The following CIITA variants were observed in gnomAD, a reference collection of about 807,000 sequenced individuals.
CIITA encodes MHC class II transactivator.
CIITA carries 72 observed loss-of-function variants against 115.1 expected under a neutral mutation model. The observed-to-expected ratio is 0.63, with a 90% CI of 0.52 to 0.76. CIITA has a LOEUF of 0.76. Among genes scored for constraint, CIITA ranks in the 30% least tolerant of loss-of-function variants. The probability of loss-of-function intolerance (pLI) is 0.00; values close to 1 mark genes in which losing one functional copy is unlikely to be tolerated. For missense variants in CIITA, 1,617 were observed against 1,463.8 expected (o/e 1.10, Z -1.71); for synonymous variants, 763 against 635.6 (o/e 1.20, Z -3.02).
At position 10,907,283 on chromosome 16, in the gene CIITA, C is replaced by G. The variant is rs201657235; in HGVS notation, c.1791C>G (p.Leu597=). ...MTEHQDRALT[L]LRDRPLLLSH... Reference sequence around the variant, plus strand: ...AGCACCAAGACAGAGCCCTGACGCTCCTCCGGGACCGGCCACTTCTTCTCA... The same window carrying G: ...AGCACCAAGACAGAGCCCTGACGCTGCTCCGGGACCGGCCACTTCTTCTCA... The change falls in exon 11 of 20, where the codon CTC becomes CTG. Residue 597 remains leucine, a synonymous_variant. Coordinates refer to ENST00000324288, the MANE Select transcript of CIITA (RefSeq NM_000246.4). This position sits in a 1 kb window ranked among gnomAD's most constrained non-coding sequence, Gnocchi z 5.0. The G allele has an allele frequency of 1.1e-4, 185 of 1,613,444 alleles. No individual in the cohort carries two copies. Among genetic ancestry groups the G allele is most frequent in the Non-Finnish European group, 1.6e-5 (19 of 1,180,020 alleles).
At chr16:10,916,561 T>A (rs1415186248) in intron 15 of CIITA, 102 bp downstream of exon 15, 1 of 978,350 alleles carries the variant, frequency 1.0e-6, no homozygotes, top group African/African-American at 1.6e-5. Context: ...AAGGGCTCGC[T>A]GTGTCACCCA....
chr16:10,882,999 C>A (rs1307588252), intron 1 of CIITA, among the ~76,000 whole-genome samples: 6 of 152,202 alleles, frequency 3.9e-5, no homozygotes, highest in Admixed American at 3.9e-4. Flanking sequence ...TAACACCCTT[C>A]CCAGGTAATT....
At chr16:10,888,683 G>A (rs1378618505) in intron 1 of CIITA, 1 of 152,242 alleles carries the variant, frequency 6.6e-6, no homozygotes, top group African/African-American at 2.4e-5. Flanking sequence ...GGTGGCCCAG[G>A]GGGAAGCACA....
Position 10,901,853 on chromosome 16 carries a change from C to G in CIITA, c.482-185C>G. The G allele has an allele frequency of 1.1e-6, 1 of 879,066 alleles. No individual in the cohort carries two copies. Among genetic ancestry groups the G allele is most frequent in the South Asian group, 1.5e-5 (1 of 66,348 alleles). 54.5% of individuals were successfully genotyped at this position (879,066 alleles called of 1,614,324 possible). On this transcript the variant is annotated intron_variant, in intron 6 of 19. Transcript: ENST00000324288. The surrounding 1 kb of genome is among the most constrained non-coding windows in gnomAD (Gnocchi z 6.8). ...CAGCATAGCTCTCAGAGCCAAGTCA[C>G]AAGGAGAGGACTGGGGGACTGCCTG...
chr16:10,873,257 T>G (rs2035608102), upstream of CIITA, among the ~76,000 whole-genome samples: 1 of 152,184 alleles, frequency 6.6e-6, no homozygotes. Flanking sequence ...CCACTGCACC[T>G]CGCCTGATAA....
In CIITA at chr16:10,920,741, G is replaced by A. The variant is rs1350462685; in HGVS notation, c.3150-1426G>A. Among the ~76,000 whole-genome samples the A allele has an allele frequency of 1.3e-5, 2 of 152,206 alleles. No homozygotes were observed. The highest frequency in any genetic ancestry group is 4.8e-5 in the African/African-American group (2 of 41,446). ...ATGGTCAGATTACTCTCCCTGTGGG[G>A]TGGAGGAAGGGTCTCCAGGGTTCAG... On this transcript the variant is annotated intron_variant, in intron 16 of 19. Coordinates refer to ENST00000324288, the MANE Select transcript of CIITA (RefSeq NM_000246.4). The surrounding 1 kb of genome is among the most constrained non-coding windows in gnomAD (Gnocchi z 4.5).
intron 15 of CIITA, 151 bp from the exon 16 acceptor site, chr16:10,918,289 A>G: frequency 3.9e-6 from 3 of 776,660 alleles, no homozygotes; most frequent in Middle Eastern, 2.4e-4. Flanking sequence ...CCACTTGGCC[A>G]CAGGACCTAA....
chr16:10,880,281 C>A (rs1032800754), intron 1 of CIITA, among the ~76,000 whole-genome samples: 5 of 152,088 alleles, frequency 3.3e-5, no homozygotes, highest in South Asian at 2.1e-4. Flanking sequence ...CCGGGCTCAC[C>A]CCCAGGCCCG....
At chr16:10,940,311 C>T (rs2041085279), downstream of CIITA, 1 of 152,186 alleles carries the variant, frequency 6.6e-6, no homozygotes, top group African/African-American at 2.4e-5. The surrounding 1 kb of genome is among the most constrained non-coding windows in gnomAD (Gnocchi z 4.2). Flanking sequence ...CTTATAAGAA[C>T]AGTAAGAGAT....
At position 10,879,203 on chromosome 16, in the gene CIITA, CCGCAACGACTCTG is replaced by C. The variant is rs2036153432; in HGVS notation, c.52+1825_52+1837del. On this transcript the variant is annotated intron_variant, in intron 1 of 19. Coordinates refer to ENST00000324288, the MANE Select transcript of CIITA (RefSeq NM_000246.4). The surrounding 1 kb of genome is among the most constrained non-coding windows in gnomAD (Gnocchi z 4.3). ...GGGAAACACCTCGTTTCCAGCATCC[CCGCAACGACTCTG>C]CGCGGGAACCAGGAGCCGGGAACCC... Among the ~76,000 whole-genome samples, 1 of 152,180 alleles carries C rather than the reference CCGCAACGACTCTG, an allele frequency of 6.6e-6. No individual in the cohort carries two copies. Among genetic ancestry groups the C allele is most frequent in the Admixed American group, 6.5e-5 (1 of 15,290 alleles).
rs371524986 is a variant in CIITA, at chr16:10,899,697, G to A, written c.436+695G>A. ...ACAGTTAACTGAGTACTTATTATGG[G>A]TCTGACCATGTGTAAGTCCTGTATC... On this transcript the variant is annotated intron_variant, in intron 5 of 19. Coordinates refer to ENST00000324288, the MANE Select transcript of CIITA (RefSeq NM_000246.4). 3.3e-5 allele frequency among the ~76,000 whole-genome samples: 5 copies of A among 152,140 alleles called. No individual in the cohort carries two copies. In the East Asian group the frequency reaches 5.8e-4, roughly 18 times the overall value.
At chr16:10,911,033 A>G (rs1398272056) in intron 13 of CIITA, among the ~76,000 whole-genome samples, 2 of 13,434 alleles carry the variant, frequency 1.5e-4, no homozygotes, top group African/African-American at 3.7e-4. Context: ...GCTGGGGGCC[A>G]CACCCTAGGC....
At chr16:10,867,015 G>T (rs570351319) in intron 1 of CIITA, among the ~76,000 whole-genome samples, 14 of 152,338 alleles carry the variant, frequency 9.2e-5, no homozygotes, top group Admixed American at 8.5e-4. Flanking sequence ...GGAGGCCAAG[G>T]CAGGTGGATC....
chr16:10,918,365 C>T, intron 15 of CIITA, 75 bp from the exon 16 acceptor site: 1 of 1,296,062 alleles, frequency 7.7e-7, no homozygotes, highest in Non-Finnish European at 1.1e-6. Context: ...AGCCTATGAC[C>T]CAGAACTCTC....
chr16:10,873,216 T>G (rs2035604571), upstream of CIITA, among the ~76,000 whole-genome samples: 1 of 152,170 alleles, frequency 6.6e-6, no homozygotes, highest in South Asian at 2.1e-4. Context: ...TCAAGCGACA[T>G]ACCTGCCTTA....
At chr16:10,910,097 T>C in intron 12 of CIITA, 91 bp from the exon 13 acceptor site, 1 of 1,052,818 alleles carries the variant, frequency 9.5e-7, no homozygotes, top group Non-Finnish European at 1.5e-6. Flanking sequence ...CCTGGGGAAT[T>C]TGGGGCACTG....
Position 10,942,984 on chromosome 16 carries a change from T to A in CIITA, n.2110T>A, listed in dbSNP as rs563359492. On this transcript the variant is annotated non_coding_transcript_exon_variant, in exon 2 of 2. Coordinates refer to the CIITA transcript ENST00000573379. The surrounding 1 kb of genome is among the most constrained non-coding windows in gnomAD (Gnocchi z 5.0). ...ATCCTAGAGTTAAGGAACACCTGAA[T>A]AAAGAGATTCCGAGGTAGTTCAGAT... 2.6e-5 allele frequency: 4 copies of A among 152,264 alleles called. No homozygotes were observed. Among genetic ancestry groups the A allele is most frequent in the African/African-American group, 4.8e-5 (2 of 41,466 alleles). 9.4% of individuals were successfully genotyped at this position (152,264 alleles called of 1,614,324 possible). A position where few individuals can be genotyped will look rare whatever the true frequency, so the allele number is the denominator to read the frequency against.
chr16:10,892,913 C>A (rs2037741700), intron 1 of CIITA, among the ~76,000 whole-genome samples: 2 of 152,152 alleles, frequency 1.3e-5, no homozygotes, highest in Admixed American at 1.3e-4. Context: ...GCCTGGGCAA[C>A]AGAGCAAGCC....
At chr16:10,894,922 T>C (rs1401712594) in intron 1 of CIITA, among the ~76,000 whole-genome samples, 1 of 152,236 alleles carries the variant, frequency 6.6e-6, no homozygotes, top group East Asian at 1.9e-4. Context: ...GAGTATTAAA[T>C]GTGCCAGCTC....
Sources: allele counts gnomAD v4.1 joint callset (sites outside exome capture counted in the v4.1 genomes callset), GRCh38; gene constraint gnomAD v4.1.1; non-coding constraint Gnocchi (gnomAD v3.1); transcripts MANE v1.5; gene names NCBI Gene and HGNC (gene_info 2026-07-23, HGNC 2026-07-21).